Variants in DPP10 observed in about 807,000 individuals in gnomAD.
DPP10 encodes dipeptidyl peptidase like 10, also known as inactive dipeptidyl peptidase 10.
In DPP10, 33 loss-of-function variants were observed where a neutral mutation model predicts 120.9. That is an observed-to-expected ratio of 0.27 (90% CI 0.21 to 0.37). The LOEUF (loss-of-function observed/expected upper bound fraction) is 0.37, where lower values mean the gene tolerates loss of function less well. Among genes scored for constraint, DPP10 ranks in the 10% least tolerant of loss-of-function variants. DPP10 has a pLI of 1.00. For missense variants in DPP10, 816 were observed against 942.8 expected (o/e 0.87, Z 1.76); for synonymous variants, 337 against 326.1 (o/e 1.03, Z -0.36).
chr2:114,497,107 A>T (rs1324785877), intron 1 of DPP10, among the ~76,000 whole-genome samples: 1 of 150,220 alleles, frequency 6.7e-6, no homozygotes, highest in African/African-American at 2.4e-5. Context: ...GTGTACATGT[A>T]CGTATACATG....
At chr2:115,752,496 T>A (rs546915560) in intron 10 of DPP10, among the ~76,000 whole-genome samples, 1 of 152,196 alleles carries the variant, frequency 6.6e-6, no homozygotes, top group Non-Finnish European at 1.5e-5. Flanking sequence ...CTTCTTTAAT[T>A]TGATTCATTT....
At chr2:114,937,732 C>A (rs141428483) in intron 1 of DPP10, among the ~76,000 whole-genome samples, 87 of 152,282 alleles carry the variant, frequency 5.7e-4, no homozygotes, top group Admixed American at 2.1e-3. Context: ...CCACACTACT[C>A]TGAACGTGCC....
intron 3 of DPP10, among the ~76,000 whole-genome samples, chr2:115,414,895 A>G (rs1574769904): frequency 8.4e-6 from 1 of 118,802 alleles, no homozygotes; most frequent in African/African-American, 3.8e-5. Context: ...TTGGAAGGTA[A>G]GTAAGCACTA....
chr2:115,437,749 T>C (rs531426166), intron 3 of DPP10, among the ~76,000 whole-genome samples: 3 of 152,182 alleles, frequency 2.0e-5, no homozygotes, highest in Non-Finnish European at 4.4e-5. Context: ...TTTATGTTCA[T>C]CTAGTAGAAA....
chr2:115,644,612 T>G, intron 5 of DPP10, among the ~76,000 whole-genome samples: 1 of 142,948 alleles, frequency 7.0e-6, no homozygotes, highest in Non-Finnish European at 1.5e-5. Flanking sequence ...CTCTATAAGG[T>G]ATTTGAAAAA....
chr2:114,995,080 T>G (rs1007791226), intron 1 of DPP10, among the ~76,000 whole-genome samples: 1 of 152,112 alleles, frequency 6.6e-6, no homozygotes, highest in Non-Finnish European at 1.5e-5. Context: ...GGGCTTGAAA[T>G]GAGCTTGTAT....
chr2:115,617,272 T>TA (rs58444943), intron 5 of DPP10, among the ~76,000 whole-genome samples: 18,299 of 135,800 alleles, frequency 0.13, 1,402 homozygotes, highest in East Asian at 0.18. Context: ...TATATATTTT[T>TA]TATATATATA....
intron 7 of DPP10, among the ~76,000 whole-genome samples, chr2:115,690,952 T>C (rs11123317): frequency 0.95 from 145,205 of 152,186 alleles, 69,527 homozygotes; most frequent in Non-Finnish European, 1. Context: ...AAATAATTAC[T>C]CAAATGATGA....
At chr2:114,763,698 A>T (rs1294683627) in intron 1 of DPP10, among the ~76,000 whole-genome samples, 1 of 152,236 alleles carries the variant, frequency 6.6e-6, no homozygotes, top group Non-Finnish European at 1.5e-5. Flanking sequence ...TAATGGGAAC[A>T]TTTATAATGC....
At chr2:115,216,469 T>C (rs1459908086) in intron 1 of DPP10, among the ~76,000 whole-genome samples, 1 of 152,112 alleles carries the variant, frequency 6.6e-6, no homozygotes, top group East Asian at 1.9e-4. Context: ...TGTATATATA[T>C]GTCTAACTTA....
intron 1 of DPP10, among the ~76,000 whole-genome samples, chr2:114,878,947 T>C (rs1375867828): frequency 6.6e-6 from 1 of 152,128 alleles, no homozygotes; most frequent in Non-Finnish European, 1.5e-5. Context: ...TGGCCCCCTT[T>C]ATTTGTAACA....
chr2:115,113,343 A>G (rs1260273920), intron 1 of DPP10, among the ~76,000 whole-genome samples: 1 of 151,976 alleles, frequency 6.6e-6, no homozygotes, highest in African/African-American at 2.4e-5. Flanking sequence ...AATGTTCCAA[A>G]TGGTTCTTTT....
At chr2:114,470,561 G>A (rs2104612840) in intron 1 of DPP10, among the ~76,000 whole-genome samples, 1 of 152,294 alleles carries the variant, frequency 6.6e-6, no homozygotes, top group Admixed American at 6.5e-5. Flanking sequence ...GAGATGAGAA[G>A]GGGTAATATC....
At chr2:115,489,251 G>A (rs1011180627) in intron 3 of DPP10, among the ~76,000 whole-genome samples, 1 of 151,726 alleles carries the variant, frequency 6.6e-6, no homozygotes, top group Non-Finnish European at 1.5e-5. Flanking sequence ...TACAAAAACA[G>A]TTCTTAGAAA....
At position 115,127,736 on chromosome 2, in the gene DPP10, C is replaced by T. The variant is rs76301287; in HGVS notation, c.61-181503C>T. Among the ~76,000 whole-genome samples the T allele has an allele frequency of 3.6e-3, 543 of 152,292 alleles. 3 individuals are homozygous for T. Among genetic ancestry groups the T allele is most frequent in the African/African-American group, 0.013 (527 of 41,550 alleles). On this transcript the variant is annotated intron_variant, in intron 1 of 25. Coordinates refer to ENST00000410059, the MANE Select transcript of DPP10 (RefSeq NM_020868.6). ...TCTGTGCATTCTACTTTACTATACA[C>T]ATTTATATTTATTTACTTGCCCCTT... is the stretch of plus-strand genomic sequence containing the variant.
intron 1 of DPP10, among the ~76,000 whole-genome samples, chr2:114,941,882 A>G (rs538073200): frequency 1.9e-4 from 29 of 152,258 alleles, no homozygotes; most frequent in African/African-American, 6.5e-4. Flanking sequence ...AGAACTATGT[A>G]TTCAGAAAGG....
intron 1 of DPP10, among the ~76,000 whole-genome samples, chr2:115,079,539 G>A (rs1708092595): frequency 6.6e-6 from 1 of 152,078 alleles, no homozygotes; most frequent in Non-Finnish European, 1.5e-5. Context: ...ACTTTCTCAG[G>A]GGAGTGTTGT....
At chr2:114,654,639 A>T (rs2105506306) in intron 1 of DPP10, among the ~76,000 whole-genome samples, 1 of 152,318 alleles carries the variant, frequency 6.6e-6, no homozygotes, top group East Asian at 1.9e-4. Flanking sequence ...TTCACATAAG[A>T]TTATGACTTT....
chr2:115,342,477 G>C (rs1377819711), intron 2 of DPP10, among the ~76,000 whole-genome samples: 1 of 152,122 alleles, frequency 6.6e-6, no homozygotes, highest in Non-Finnish European at 1.5e-5. Context: ...GCCTCGCAAA[G>C]TGCTGGGATT....
Sources: allele counts gnomAD v4.1 joint callset (sites outside exome capture counted in the v4.1 genomes callset), GRCh38; gene constraint gnomAD v4.1.1; transcripts MANE v1.5; gene names NCBI Gene and HGNC (gene_info 2026-07-23, HGNC 2026-07-21).